The following PCMT1 variants were observed in gnomAD, a reference collection of about 807,000 sequenced individuals.
The protein encoded by PCMT1 is protein-L-isoaspartate (D-aspartate) O-methyltransferase.
Under a neutral mutation model 29.2 loss-of-function variants are expected in PCMT1, and 9 were observed. That is an observed-to-expected ratio of 0.31 (90% CI 0.19 to 0.54). The LOEUF is 0.54. Ranked by LOEUF, PCMT1 falls within the 20% of genes least tolerant of loss-of-function variation. The pLI is 0.95. For missense variants in PCMT1, 184 were observed against 282.2 expected, an observed-to-expected ratio of 0.65 and a Z score of 2.49; for synonymous variants, 98 against 97.5, an observed-to-expected ratio of 1.00 and a Z score of -0.03.
intron 1 of PCMT1, chr6:149,750,227 G>A: frequency 1.8e-6 from 1 of 542,526 alleles, no homozygotes; most frequent in Non-Finnish European, 3.3e-6. Flanking sequence ...CAGGCCCTGG[G>A]GGAGGGAGTG....
At chr6:149,798,927 A>G (rs1788716659) in intron 6 of PCMT1, 1 of 152,248 alleles carries the variant, frequency 6.6e-6, no homozygotes, top group Non-Finnish European at 1.5e-5. Flanking sequence ...CTAAAAACTG[A>G]TGGACATAAT....
chr6:149,751,222 C>T (rs933983243), intron 1 of PCMT1, among the ~76,000 whole-genome samples: 1 of 152,100 alleles, frequency 6.6e-6, no homozygotes, highest in Admixed American at 6.6e-5. Context: ...GAGGCTGAGG[C>T]AGGAGAATCG....
intron 1 of PCMT1, among the ~76,000 whole-genome samples, chr6:149,767,359 C>T (rs930915482): frequency 1.1e-4 from 17 of 152,020 alleles, no homozygotes; most frequent in African/African-American, 3.4e-4. Flanking sequence ...CGCACCCAGC[C>T]GTTCACTCCT....
chr6:149,805,615 C>T (rs2115348203), intron 7 of PCMT1, among the ~76,000 whole-genome samples: 1 of 151,082 alleles, frequency 6.6e-6, no homozygotes, highest in Non-Finnish European at 1.5e-5. Context: ...ACCTGGTTTT[C>T]TTTTTGACCT....
At chr6:149,749,696 C>T (rs557649014), upstream of PCMT1, 32 of 1,476,958 alleles carry the variant, frequency 2.2e-5, no homozygotes, top group Admixed American at 6.8e-5. Context: ...CTAAGCCGCG[C>T]GGCGTCACAG....
At position 149,802,360 on chromosome 6, in the gene PCMT1, A is replaced by G; in HGVS notation, c.665A>G (p.Gln222Arg). The G allele has an allele frequency of 6.2e-7, 1 of 1,611,140 alleles. No homozygotes were observed. The highest frequency in any genetic ancestry group is 8.5e-7 in the Non-Finnish European group (1 of 1,178,206). ...GTGCCTTTAACAGATAAAGAAAAGC[A>G]GTGGTCCAGGTGGAAGTGATTTTAT... Reference protein sequence around the residue: ...IYVPLTDKEKQWSRWK With the variant: ...IYVPLTDKEKRWSRWK The change falls in exon 7 of 8, where the codon CAG (glutamine) becomes CGG (arginine). Residue 222 changes from glutamine to arginine, a missense_variant. Gln to Arg is a conservative substitution (Grantham distance 43, BLOSUM62 1). Transcript: ENST00000464889.
intron 1 of PCMT1, among the ~76,000 whole-genome samples, chr6:149,756,512 C>CTTTTTTTTT (rs61038108): frequency 1.3e-4 from 10 of 74,720 alleles, no homozygotes; most frequent in Non-Finnish European, 1.8e-4. Flanking sequence ...CCATGACTGG[C>CTTTTTTTTT]TTTTTTTTTT....
intron 7 of PCMT1, among the ~76,000 whole-genome samples, chr6:149,809,261 A>AAAAAG (rs1252122260): frequency 4.7e-5 from 7 of 147,500 alleles, no homozygotes; most frequent in Admixed American, 6.7e-5. Context: ...TCTGTCTCAA[A>AAAAAG]AAAAAAAAAA....
chr6:149,809,244 G>A (rs1281086604), intron 7 of PCMT1, among the ~76,000 whole-genome samples: 2 of 111,504 alleles, frequency 1.8e-5, no homozygotes, highest in Non-Finnish European at 3.2e-5. Flanking sequence ...AGGTGACAGA[G>A]CGAGACTCTG....
At chr6:149,788,882 C>T (rs1788230593) in intron 3 of PCMT1, among the ~76,000 whole-genome samples, 1 of 152,040 alleles carries the variant, frequency 6.6e-6, no homozygotes, top group African/African-American at 2.4e-5. Flanking sequence ...TGCCCAAAGG[C>T]TGATTTTCTT....
chr6:149,782,148 GTA>G (rs1270080263), intron 3 of PCMT1, among the ~76,000 whole-genome samples: 2 of 152,134 alleles, frequency 1.3e-5, no homozygotes, highest in African/African-American at 4.8e-5. Context: ...ATCTATGTAT[GTA>G]TATAGTCACA....
chr6:149,765,354 T>G (rs1230381244), intron 1 of PCMT1, among the ~76,000 whole-genome samples: 1 of 93,238 alleles, frequency 1.1e-5, no homozygotes, highest in Admixed American at 1.3e-4. Flanking sequence ...AGCGAGACTC[T>G]GTCTCAAAAA....
At chr6:149,799,454 C>T (rs1241162258) in intron 6 of PCMT1, among the ~76,000 whole-genome samples, 1 of 152,166 alleles carries the variant, frequency 6.6e-6, no homozygotes, top group Non-Finnish European at 1.5e-5. Context: ...AAAATTATTT[C>T]CAACCTCGAA....
chr6:149,755,512 A>G (rs556117469), intron 1 of PCMT1, among the ~76,000 whole-genome samples: 14 of 152,164 alleles, frequency 9.2e-5, no homozygotes, highest in African/African-American at 3.1e-4. Flanking sequence ...AGGGTCTTGG[A>G]CCGTATTTCC....
intron 3 of PCMT1, among the ~76,000 whole-genome samples, chr6:149,783,764 A>G (rs1373756131): frequency 6.6e-6 from 1 of 152,070 alleles, no homozygotes; most frequent in Admixed American, 6.6e-5. Flanking sequence ...ATCATAGCTC[A>G]CTATAACCTC....
intron 4 of PCMT1, among the ~76,000 whole-genome samples, chr6:149,792,490 A>G (rs935885861): frequency 6.6e-6 from 1 of 152,168 alleles, no homozygotes; most frequent in African/African-American, 2.4e-5. Flanking sequence ...TAAATATGCA[A>G]AGAAGGGATT....
chr6:149,761,950 C>CT, intron 1 of PCMT1, among the ~76,000 whole-genome samples: 1 of 152,094 alleles, frequency 6.6e-6, no homozygotes, highest in Non-Finnish European at 1.5e-5. Flanking sequence ...ATTCCTTGCC[C>CT]TTTGTTTCCT....
chr6:149,782,630 G>A (rs954980602), intron 3 of PCMT1, among the ~76,000 whole-genome samples: 7 of 152,118 alleles, frequency 4.6e-5, no homozygotes, highest in Admixed American at 3.3e-4. Flanking sequence ...AAGGACATAC[G>A]AGCAGATTTG....
Position 149,785,061 on chromosome 6 carries a change from CCTTT to C in PCMT1, c.193-4888_193-4885del, listed in dbSNP as rs1354114667. Among the ~76,000 whole-genome samples, 9 of 150,964 alleles carry C rather than the reference CCTTT, an allele frequency of 6.0e-5. No individual in the cohort carries two copies. The East Asian group carries it at 1.2e-3, about 20-fold the overall frequency. On this transcript the variant is annotated intron_variant, in intron 3 of 7. Transcript: ENST00000464889. ...ATCTTTTAATTTTTAAAGAAAGACC[CCTTT>C]CTTTTTTTAAATGCCATTTGTTTAT... is the stretch of plus-strand genomic sequence containing the variant.
Sources: allele counts gnomAD v4.1 joint callset (sites outside exome capture counted in the v4.1 genomes callset), GRCh38; gene constraint gnomAD v4.1.1; transcripts MANE v1.5; gene names NCBI Gene and HGNC (gene_info 2026-07-23, HGNC 2026-07-21).